LMX1A: variants seen among roughly 807,000 people sequenced by gnomAD.
LMX1A encodes the protein LIM homeobox transcription factor 1-alpha.
Under a neutral mutation model 49.1 loss-of-function variants are expected in LMX1A, and 15 were observed. The observed-to-expected ratio is 0.31, with a 90% confidence interval of 0.20 to 0.47. The LOEUF (loss-of-function observed/expected upper bound fraction) is 0.47. LMX1A is among the 20% of genes least tolerant of loss of function. The probability of loss-of-function intolerance (pLI) is 1.00; values close to 1 mark genes in which losing one functional copy is unlikely to be tolerated. For missense variants in LMX1A, 372 were observed against 475.8 expected, an observed-to-expected ratio of 0.78 and a Z score of 2.03; for synonymous variants, 167 against 185.7, an observed-to-expected ratio of 0.90 and a Z score of 0.82.
intron 4 of LMX1A, among the ~76,000 whole-genome samples, chr1:165,221,113 C>A (rs1442794617): frequency 6.6e-6 from 1 of 152,148 alleles, no homozygotes. Context: ...GGACACACAG[C>A]TGGGATGCTC....
At chr1:165,339,722 T>C (rs1656012934) in intron 3 of LMX1A, among the ~76,000 whole-genome samples, 1 of 152,068 alleles carries the variant, frequency 6.6e-6, no homozygotes, top group Non-Finnish European at 1.5e-5. Flanking sequence ...CACAGGGAAA[T>C]GTACAAAAGA....
intron 3 of LMX1A, among the ~76,000 whole-genome samples, chr1:165,340,974 T>A (rs1656057135): frequency 6.6e-6 from 1 of 152,226 alleles, no homozygotes; most frequent in South Asian, 2.1e-4. Flanking sequence ...ATATCCTTAT[T>A]ATCTCTTGCC....
At chr1:165,250,139 C>T (rs111989086) in intron 3 of LMX1A, among the ~76,000 whole-genome samples, 15,097 of 152,104 alleles carry the variant, frequency 0.099, 880 homozygotes, top group Non-Finnish European at 0.13. Flanking sequence ...GGGCTTAATA[C>T]CTAGGTGATG....
At chr1:165,228,400 C>T (rs935861118) in intron 4 of LMX1A, among the ~76,000 whole-genome samples, 3 of 152,152 alleles carry the variant, frequency 2.0e-5, no homozygotes, top group African/African-American at 4.8e-5. Flanking sequence ...TCACCTGGTC[C>T]GTTTGCATCT....
chr1:165,263,477 G>T (rs977104531), intron 3 of LMX1A, among the ~76,000 whole-genome samples: 5 of 152,088 alleles, frequency 3.3e-5, no homozygotes, highest in Admixed American at 6.5e-5. Context: ...TATCCAATCT[G>T]CCAACAAGCA....
intron 3 of LMX1A, among the ~76,000 whole-genome samples, chr1:165,282,069 T>A (rs1317646454): frequency 6.6e-6 from 1 of 152,180 alleles, no homozygotes; most frequent in Non-Finnish European, 1.5e-5. Flanking sequence ...GCCTTGCCAC[T>A]CTGCTTCCTG....
intron 3 of LMX1A, among the ~76,000 whole-genome samples, chr1:165,313,521 T>C (rs1315237129): frequency 1.4e-5 from 2 of 141,212 alleles, no homozygotes; most frequent in Admixed American, 7.7e-5. Flanking sequence ...GGGGTCAGGG[T>C]TGGATAATAG....
chr1:165,294,888 C>A (rs1373807496), intron 3 of LMX1A, among the ~76,000 whole-genome samples: 1 of 152,038 alleles, frequency 6.6e-6, no homozygotes, highest in African/African-American at 2.4e-5. Flanking sequence ...CCCTTGAACC[C>A]GGGAGGCAGA....
intron 3 of LMX1A, among the ~76,000 whole-genome samples, chr1:165,350,073 G>C (rs1000979752): frequency 6.8e-6 from 1 of 146,938 alleles, no homozygotes; most frequent in African/African-American, 2.5e-5. Context: ...TTTTTATTAA[G>C]TGCTCCCTAA....
At chr1:165,269,564 A>G (rs1653731904) in intron 3 of LMX1A, among the ~76,000 whole-genome samples, 1 of 152,238 alleles carries the variant, frequency 6.6e-6, no homozygotes, top group African/African-American at 2.4e-5. Context: ...AAAGGAATAT[A>G]AATCATTCTA....
chr1:165,323,152 C>A (rs569299695), intron 3 of LMX1A, among the ~76,000 whole-genome samples: 3 of 152,210 alleles, frequency 2.0e-5, no homozygotes, highest in Non-Finnish European at 4.4e-5. Context: ...CATTTCTTTA[C>A]GTGTAAAATG....
intron 3 of LMX1A, among the ~76,000 whole-genome samples, chr1:165,271,932 T>C (rs1346852825): frequency 6.6e-6 from 1 of 152,174 alleles, no homozygotes; most frequent in Non-Finnish European, 1.5e-5. Flanking sequence ...GTACTTTTTC[T>C]CCAGGAGCAT....
intron 7 of LMX1A, among the ~76,000 whole-genome samples, 194 bp downstream of exon 7, chr1:165,207,869 A>G (rs1408306801): frequency 6.6e-6 from 1 of 152,222 alleles, no homozygotes; most frequent in Non-Finnish European, 1.5e-5. Context: ...CTAAGCCTGC[A>G]GCTCAGGAGC....
chr1:165,236,705 C>G (rs1289162882), intron 4 of LMX1A, among the ~76,000 whole-genome samples: 1 of 151,720 alleles, frequency 6.6e-6, no homozygotes, highest in Non-Finnish European at 1.5e-5. Context: ...TCAACTCCAT[C>G]CCTCTGAGCT....
chr1:165,316,738 G>T (rs1655240324), intron 3 of LMX1A, among the ~76,000 whole-genome samples: 1 of 152,180 alleles, frequency 6.6e-6, no homozygotes, highest in African/African-American at 2.4e-5. Context: ...GGCCATGGAG[G>T]CAGATGTACT....
chr1:165,277,473 T>G (rs1654003656), intron 3 of LMX1A, among the ~76,000 whole-genome samples: 1 of 152,222 alleles, frequency 6.6e-6, no homozygotes, highest in South Asian at 2.1e-4. Context: ...TATCACTCAC[T>G]GGGTCTTCCC....
Position 165,297,105 on chromosome 1 carries a change from G to A in LMX1A, c.264-47465C>T, listed in dbSNP as rs149349664. On this transcript the variant is annotated intron_variant, in intron 3 of 8. Transcript: ENST00000342310. ...TCTGTAGAGCTCAGTTTCCAGCACAGTGCTTGGAACACACTAGGTCCTAAA... is the reference window on the plus strand; with the variant it reads ...TCTGTAGAGCTCAGTTTCCAGCACAATGCTTGGAACACACTAGGTCCTAAA... Among the ~76,000 whole-genome samples, 826 of 152,336 alleles carry A rather than the reference G, an allele frequency of 5.4e-3. 7 individuals are homozygous for A. In the Middle Eastern group the frequency reaches 0.054, roughly 10 times the overall value.
At position 165,204,186 on chromosome 1, in the gene LMX1A, G is replaced by A. The variant is rs928662250; in HGVS notation, c.989-146C>T. The A allele has an allele frequency of 5.1e-6, 4 of 785,638 alleles. No individual in the cohort carries two copies. The African/African-American group carries it at 7.0e-5, about 14-fold the overall frequency. The allele number at this position is 785,638 out of a possible 1,614,324, so 48.7% of individuals were successfully genotyped here. On this transcript the variant is annotated intron_variant, in intron 8 of 8. Transcript: ENST00000342310. ...CAAAAAGTCTATATTCTCTTTAGGG[G>A]GCTCAAGTCCAAAGTGCAACAAGTG...
chr1:165,282,202 A>G (rs984870853), intron 3 of LMX1A, among the ~76,000 whole-genome samples: 1 of 152,128 alleles, frequency 6.6e-6, no homozygotes, highest in Admixed American at 6.5e-5. Context: ...CCAAATCTCT[A>G]TCACTAGCCA....
Sources: allele counts gnomAD v4.1 joint callset (sites outside exome capture counted in the v4.1 genomes callset), GRCh38; gene constraint gnomAD v4.1.1; transcripts MANE v1.5; gene names NCBI Gene and HGNC (gene_info 2026-07-23, HGNC 2026-07-21).